L3MBTL4: variants seen among roughly 807,000 people sequenced by gnomAD.
The protein encoded by L3MBTL4 is L3MBTL histone methyl-lysine binding protein 4.
Under a neutral mutation model 84.5 loss-of-function variants are expected in L3MBTL4, and 70 were observed. That is an observed-to-expected ratio of 0.83 (90% confidence interval 0.68 to 1.01). L3MBTL4 has a LOEUF of 1.01. Among genes scored for constraint, L3MBTL4 ranks in the 50% least tolerant of loss-of-function variants. The pLI is 0.00. For synonymous variants in L3MBTL4, 274 were observed against 259.8 expected, an observed-to-expected ratio of 1.05 and a Z score of -0.52; for missense variants, 715 against 754.8, an observed-to-expected ratio of 0.95 and a Z score of 0.62.
Position 6,207,983 on chromosome 18 carries a change from C to T in L3MBTL4, c.981+5166G>A, listed in dbSNP as rs913824728. On this transcript the variant is annotated intron_variant, in intron 12 of 18. Transcript: ENST00000317931. ...AACAAAAATTAGCTAGGTGTGGTGG[C>T]GCACACTGTAGTCTCAGCTACTCAG... is the stretch of plus-strand genomic sequence containing the variant. Among the ~76,000 whole-genome samples the T allele has an allele frequency of 1.1e-3, 170 of 152,032 alleles. 1 individual carries two copies. The highest frequency in any genetic ancestry group is 1.5e-3 in the African/African-American group (61 of 41,474).
At chr18:6,014,709 G>A (rs1038000502) in intron 16 of L3MBTL4, among the ~76,000 whole-genome samples, 1 of 152,150 alleles carries the variant, frequency 6.6e-6, no homozygotes, top group African/African-American at 2.4e-5. Context: ...AGAGGAGCTA[G>A]AAGGGAATAG....
At chr18:6,002,405 A>G (rs1567970051) in intron 16 of L3MBTL4, among the ~76,000 whole-genome samples, 1 of 152,184 alleles carries the variant, frequency 6.6e-6, no homozygotes, top group Non-Finnish European at 1.5e-5. Context: ...TTTAAAAAAC[A>G]GTATTACTGT....
At chr18:5,982,313 T>G (rs902313147) in intron 16 of L3MBTL4, among the ~76,000 whole-genome samples, 1 of 152,180 alleles carries the variant, frequency 6.6e-6, no homozygotes, top group East Asian at 1.9e-4. Flanking sequence ...CTAAACAATC[T>G]GGCCTCTTCA....
chr18:6,186,629 G>A (rs1378277240), intron 12 of L3MBTL4, among the ~76,000 whole-genome samples: 3 of 152,194 alleles, frequency 2.0e-5, no homozygotes. Flanking sequence ...GCAAACAGGA[G>A]GCAAGGCCAC....
rs536160192 is a variant in L3MBTL4, at chr18:6,219,210, A to G, written c.785-3375T>C. Among the ~76,000 whole-genome samples, 15 of 151,790 alleles carry G rather than the reference A, an allele frequency of 9.9e-5. No homozygotes were observed. The South Asian group carries it at 2.7e-3, about 27-fold the overall frequency. ...TGAACAATGACGCGTGGCTCCATCA[A>G]CCTCATACTTATCACTTCGTCCTGC... is the stretch of plus-strand genomic sequence containing the variant. On this transcript the variant is annotated intron_variant, in intron 10 of 18. Coordinates refer to ENST00000317931, the MANE Select transcript of L3MBTL4 (RefSeq NM_001330559.2).
At chr18:6,283,515 C>A (rs1415653223) in intron 4 of L3MBTL4, among the ~76,000 whole-genome samples, 1 of 152,048 alleles carries the variant, frequency 6.6e-6, no homozygotes. Flanking sequence ...CTATTTAATT[C>A]TCTAAATAGT....
intron 1 of L3MBTL4, among the ~76,000 whole-genome samples, chr18:6,322,286 C>T (rs1481617506): frequency 6.6e-6 from 1 of 151,426 alleles, no homozygotes; most frequent in African/African-American, 2.4e-5. Flanking sequence ...TTCAGTGAGC[C>T]AGGATCATGG....
rs138171946 is a variant in L3MBTL4, at chr18:6,392,765, A to G, written c.-91+22036T>C. Among the ~76,000 whole-genome samples, 1,214 of 152,348 alleles carry G rather than the reference A, an allele frequency of 8.0e-3. 18 individuals carry two copies. Among genetic ancestry groups the G allele is most frequent in the African/African-American group, 0.027 (1,132 of 41,580 alleles). On this transcript the variant is annotated intron_variant, in intron 1 of 18. Coordinates refer to ENST00000317931, the MANE Select transcript of L3MBTL4 (RefSeq NM_001330559.2). Reference sequence around the variant, plus strand: ...TACTAAGACTTCAGAAGCAAATGCAACAAGAACAAAACTAAATAAATGGAA... The same window carrying G: ...TACTAAGACTTCAGAAGCAAATGCAGCAAGAACAAAACTAAATAAATGGAA...
intron 14 of L3MBTL4, among the ~76,000 whole-genome samples, chr18:6,124,760 GA>G (rs2059634995): frequency 6.6e-6 from 1 of 152,148 alleles, no homozygotes; most frequent in South Asian, 2.1e-4. Flanking sequence ...AAATAAGGAG[GA>G]AATTGAGGCT....
chr18:5,997,317 GAC>G (rs2054019320), intron 16 of L3MBTL4, among the ~76,000 whole-genome samples: 1 of 143,172 alleles, frequency 7.0e-6, no homozygotes, highest in South Asian at 2.1e-4. Context: ...ACAAAATAGT[GAC>G]AGAGATTCAA....
At chr18:6,159,024 T>G (rs2043211582) in intron 13 of L3MBTL4, among the ~76,000 whole-genome samples, 1 of 152,016 alleles carries the variant, frequency 6.6e-6, no homozygotes, top group Admixed American at 6.5e-5. Flanking sequence ...GAGTGTGCCC[T>G]GTGAGCTGCT....
At chr18:6,357,791 T>C (rs1304788514) in intron 1 of L3MBTL4, among the ~76,000 whole-genome samples, 1 of 152,216 alleles carries the variant, frequency 6.6e-6, no homozygotes, top group African/African-American at 2.4e-5. Flanking sequence ...TTGTGGATTA[T>C]GTAAAAAGCA....
At chr18:6,286,453 C>T (rs2049594856) in intron 4 of L3MBTL4, among the ~76,000 whole-genome samples, 1 of 151,100 alleles carries the variant, frequency 6.6e-6, no homozygotes, top group Non-Finnish European at 1.5e-5. Context: ...CAGAGTGAGA[C>T]TCCATCTCAA....
In L3MBTL4 at chr18:6,105,410, G is replaced by A. The variant is rs541507742; in HGVS notation, c.1200-11882C>T. On this transcript the variant is annotated intron_variant, in intron 14 of 18. Transcript: ENST00000317931. ...TCACCATGTTGGCCAGGCTGGTCTC[G>A]AACTCCTGATCTCAGGTGATTCTCC... Among the ~76,000 whole-genome samples the A allele has an allele frequency of 1.7e-3, 255 of 151,484 alleles. 1 individual carries two copies. Among genetic ancestry groups the A allele is most frequent in the African/African-American group, 5.7e-3 (238 of 41,408 alleles).
intron 12 of L3MBTL4, among the ~76,000 whole-genome samples, chr18:6,195,384 T>A (rs1048145077): frequency 1.3e-5 from 2 of 152,240 alleles, no homozygotes; most frequent in African/African-American, 4.8e-5. Flanking sequence ...AATATCCCAC[T>A]ACTAGGTACT....
At chr18:6,283,328 G>C (rs2846428) in intron 4 of L3MBTL4, among the ~76,000 whole-genome samples, 4,818 of 152,210 alleles carry the variant, frequency 0.032, 211 homozygotes, top group African/African-American at 0.1. Context: ...TCCCAAAGAG[G>C]CTTCAGGAAA....
chr18:6,021,665 G>A (rs2055271848), intron 16 of L3MBTL4, among the ~76,000 whole-genome samples: 2 of 152,128 alleles, frequency 1.3e-5, no homozygotes, highest in African/African-American at 4.8e-5. Context: ...TGATCCTTGG[G>A]GTTTCTGTGA....
chr18:6,403,758 A>C (rs2144675413), intron 1 of L3MBTL4, among the ~76,000 whole-genome samples: 1 of 152,370 alleles, frequency 6.6e-6, no homozygotes, highest in East Asian at 1.9e-4. Flanking sequence ...ATCTAGCCAA[A>C]GGAAAAGAAG....
chr18:6,033,333 C>T (rs1274856602), intron 16 of L3MBTL4, among the ~76,000 whole-genome samples: 1 of 152,086 alleles, frequency 6.6e-6, no homozygotes, highest in Non-Finnish European at 1.5e-5. Context: ...CCTTTTCCAT[C>T]TTTTTATTTT....
Sources: gnomAD v4.1 joint callset for allele counts (sites outside exome capture counted in the v4.1 genomes callset) on GRCh38, gnomAD v4.1.1 for gene constraint, MANE v1.5 for transcripts, NCBI Gene and HGNC (gene_info 2026-07-23, HGNC 2026-07-21) for gene names.